CDH3: variants seen among roughly 807,000 people sequenced by gnomAD.
The protein encoded by CDH3 is cadherin 3, also known as cadherin-3.
Under a neutral mutation model 82.0 loss-of-function variants are expected in CDH3, and 54 were observed. That is an observed-to-expected ratio of 0.66 (90% CI 0.53 to 0.83). The LOEUF (loss-of-function observed/expected upper bound fraction) is 0.83, where lower values mean the gene tolerates loss of function less well. CDH3 is among the 40% of genes least tolerant of loss of function. CDH3 has a pLI of 0.00. For synonymous variants in CDH3, 446 were observed against 437.9 expected, an observed-to-expected ratio of 1.02 and a Z score of -0.23; for missense variants, 1,054 against 1,084.6, an observed-to-expected ratio of 0.97 and a Z score of 0.40.
intron 1 of CDH3, among the ~76,000 whole-genome samples, chr16:68,721,481 G>T (rs555139896): frequency 5.3e-5 from 8 of 151,892 alleles, no homozygotes; most frequent in African/African-American, 1.9e-4. Context: ...TGATCAACCC[G>T]CCTTGGCCTC....
chr16:68,658,325 G>C (rs1960463590), intron 2 of CDH3, among the ~76,000 whole-genome samples: 1 of 152,142 alleles, frequency 6.6e-6, no homozygotes, highest in African/African-American at 2.4e-5. Flanking sequence ...ATATATCCCA[G>C]CACAGGCAAG....
chr16:68,715,335 G>A (rs575282922), intron 1 of CDH3, among the ~76,000 whole-genome samples: 4 of 151,660 alleles, frequency 2.6e-5, no homozygotes, highest in East Asian at 2.0e-4. Flanking sequence ...GCTGAGGCAG[G>A]AGAATTACTT....
chr16:68,645,913 T>C, intron 2 of CDH3, 163 bp downstream of exon 2: 1 of 613,610 alleles, frequency 1.6e-6, no homozygotes, highest in South Asian at 2.0e-5. Flanking sequence ...GGGTGGTGGC[T>C]GACGGAGAAG....
chr16:68,714,651 G>GAT (rs1414913182), intron 1 of CDH3, among the ~76,000 whole-genome samples: 1 of 152,212 alleles, frequency 6.6e-6, no homozygotes. Context: ...GGTCCCTGGT[G>GAT]ATAGGTAATA....
At position 68,691,929 on chromosome 16, in the gene CDH3, G is replaced by A. The variant is rs531408209; in HGVS notation, c.2002+3G>A. ...GGGGGCTGTCCTGGCTCTGCTGTGTGAGTACCAGGCCCCCACCCCCTCCCT... is the reference window on the plus strand; with the variant it reads ...GGGGGCTGTCCTGGCTCTGCTGTGTAAGTACCAGGCCCCCACCCCCTCCCT... On this transcript the variant is annotated splice_donor_region_variant and intron_variant, in intron 13 of 15. Coordinates refer to ENST00000264012, the MANE Select transcript of CDH3 (RefSeq NM_001793.6). 4 of 1,609,418 alleles carry A rather than the reference G, an allele frequency of 2.5e-6. No individual in the cohort carries two copies. In the South Asian group the frequency reaches 3.3e-5, roughly 13 times the overall value.
chr16:68,686,476 G>A, intron 11 of CDH3: 3 of 1,243,722 alleles, frequency 2.4e-6, no homozygotes, highest in South Asian at 1.2e-5. Context: ...GGCATTATGG[G>A]TCCAGAAAAA....
chr16:68,704,648 A>G (rs1201021915), downstream of CDH3, among the ~76,000 whole-genome samples: 1 of 152,278 alleles, frequency 6.6e-6, no homozygotes, highest in Admixed American at 6.5e-5. Flanking sequence ...ACAGGGAGTC[A>G]GCTGGGTGGC....
At chr16:68,667,871 G>A (rs561834852) in intron 2 of CDH3, among the ~76,000 whole-genome samples, 1 of 152,244 alleles carries the variant, frequency 6.6e-6, no homozygotes, top group East Asian at 1.9e-4. Context: ...GATACATAGA[G>A]CTCTGGCTTT....
At chr16:68,695,738 G>T in intron 14 of CDH3, 39 bp from the exon 15 acceptor site, 1 of 1,612,260 alleles carries the variant, frequency 6.2e-7, no homozygotes, top group Non-Finnish European at 8.5e-7. Flanking sequence ...GTGGGGGACA[G>T]GAGTCCTCAG....
intron 2 of CDH3, among the ~76,000 whole-genome samples, chr16:68,724,630 A>T (rs199673170): frequency 1.2e-3 from 8 of 6,704 alleles, no homozygotes; most frequent in African/African-American, 2.0e-3. Context: ...CCTATTATTT[A>T]AAAAAAAAAA....
At chr16:68,691,963 G>C (rs543565503) in intron 13 of CDH3, 37 bp downstream of exon 13, 18 of 1,557,104 alleles carry the variant, frequency 1.2e-5, no homozygotes, top group Non-Finnish European at 1.5e-5. Context: ...CTGAGGATGG[G>C]GGAGTTGAAA....
Position 68,698,422 on chromosome 16 carries a change from G to T in CDH3, c.*22G>T. On this transcript the variant is annotated 3_prime_UTR_variant, in exon 16 of 16. Transcript: ENST00000264012. ...CTAGGCGGCCTGCCTGCAGGGCTGG[G>T]GACCAAACGTCAGGCCACAGAGCAT... The T allele has an allele frequency of 6.2e-7, 1 of 1,608,388 alleles. No homozygotes were observed.
chr16:68,693,612 C>T (rs1201622037), intron 13 of CDH3, among the ~76,000 whole-genome samples: 5 of 152,128 alleles, frequency 3.3e-5, no homozygotes, highest in Non-Finnish European at 5.9e-5. Context: ...GTCCATTTGG[C>T]GTCTTGCCTT....
chr16:68,728,382 G>A (rs1334728571), downstream of CDH3, among the ~76,000 whole-genome samples: 2 of 152,074 alleles, frequency 1.3e-5, no homozygotes, highest in Middle Eastern at 3.4e-3. Context: ...AGCCAGGATG[G>A]TCTCGATCTC....
chr16:68,703,076 G>T (rs1961916616), downstream of CDH3, among the ~76,000 whole-genome samples: 1 of 152,154 alleles, frequency 6.6e-6, no homozygotes, highest in South Asian at 2.1e-4. Flanking sequence ...GACAGAGATG[G>T]GCCAGCGGCC....
downstream of CDH3, among the ~76,000 whole-genome samples, chr16:68,731,013 T>C (rs1597834005): frequency 9.4e-5 from 3 of 32,076 alleles, no homozygotes; most frequent in South Asian, 1.3e-3. Context: ...AGAGGGAAAC[T>C]CCGTCTCAAA....
At chr16:68,726,823 C>T (rs1397549076) in intron 2 of CDH3, among the ~76,000 whole-genome samples, 1 of 152,182 alleles carries the variant, frequency 6.6e-6, no homozygotes, top group African/African-American at 2.4e-5. Context: ...TTGTGATCTG[C>T]CTGCCTTGGC....
intron 7 of CDH3, 27 bp downstream of exon 7, chr16:68,680,001 C>T: frequency 1.2e-6 from 2 of 1,607,478 alleles, no homozygotes; most frequent in Non-Finnish European, 1.7e-6. Flanking sequence ...GAAAGTACTG[C>T]CTACCCAGAC....
chr16:68,733,014 A>G, the CDH3 span, among the ~76,000 whole-genome samples: 1 of 152,076 alleles, frequency 6.6e-6, no homozygotes, highest in African/African-American at 2.4e-5. Flanking sequence ...TTTTCCTAGA[A>G]CTGGAAAGGG....
Sources: gnomAD v4.1 joint callset for allele counts (sites outside exome capture counted in the v4.1 genomes callset) on GRCh38, gnomAD v4.1.1 for gene constraint, MANE v1.5 for transcripts, NCBI Gene and HGNC (gene_info 2026-07-23, HGNC 2026-07-21) for gene names.